Variants in SSTR3 observed in about 807,000 individuals in gnomAD.
SSTR3 encodes the protein somatostatin receptor type 3.
For synonymous variants in SSTR3, 281 were observed against 269.2 expected, an observed-to-expected ratio of 1.04 and a Z score of -0.43; for missense variants, 504 against 604.7, an observed-to-expected ratio of 0.83 and a Z score of 1.75.
chr22:37,211,781 G>A, intron 1 of SSTR3, 44 bp downstream of exon 1: 1 of 985,444 alleles, frequency 1.0e-6, no homozygotes, highest in South Asian at 4.7e-5. Flanking sequence ...TGGGCTTCCA[G>A]GACCCCACCC....
At chr22:37,216,278 T>C (rs1368132593), upstream of SSTR3, among the ~76,000 whole-genome samples, 1 of 151,282 alleles carries the variant, frequency 6.6e-6, no homozygotes, top group Non-Finnish European at 1.5e-5. Context: ...TCATATTGAT[T>C]TTTTTATGTC....
At chr22:37,215,778 A>T (rs1414445862), upstream of SSTR3, 4 of 283,864 alleles carry the variant, frequency 1.4e-5, no homozygotes, top group African/African-American at 2.2e-5. Flanking sequence ...CTCCTTTTGG[A>T]GCTGTACCTG....
At chr22:37,212,608 G>GC (rs1023016379), upstream of SSTR3, among the ~76,000 whole-genome samples, 1 of 152,146 alleles carries the variant, frequency 6.6e-6, no homozygotes, top group African/African-American at 2.4e-5. Context: ...AGCCACCCAC[G>GC]CCCGCTGGCC....
upstream of SSTR3, among the ~76,000 whole-genome samples, chr22:37,216,379 A>G (rs1055252710): frequency 3.3e-5 from 5 of 152,158 alleles, no homozygotes; most frequent in Non-Finnish European, 5.9e-5. Context: ...CCTTCTCCCC[A>G]TCTTCTCAAT....
In SSTR3 at chr22:37,207,430, A is replaced by G. The variant is rs750652022; in HGVS notation, c.374T>C (p.Ile125Thr). ...GCAGAATATGCTGGTGAACTGGTTG[A>G]TGCCATCCACCGCCATGACCAGGCG... ...MCRLVMAVDG[I>T]NQFTSIFCLT... Residue 125 changes from isoleucine (I) to threonine (T), a missense_variant, in exon 2 of 2, where the codon ATC becomes ACC. Transcript: ENST00000610913. 6.2e-7 allele frequency: 1 copy of G among 1,613,534 alleles called. No individual in the cohort carries two copies. The highest frequency in any genetic ancestry group is 1.7e-5 in the Admixed American group (1 of 60,028).
chr22:37,213,256 T>A (rs2145809486), upstream of SSTR3, among the ~76,000 whole-genome samples: 1 of 152,300 alleles, frequency 6.6e-6, no homozygotes, highest in South Asian at 2.1e-4. Flanking sequence ...TGCCGTACAG[T>A]CCTGAGCACA....
At position 37,206,568 on chromosome 22, in the gene SSTR3, C is replaced by G. The variant is rs765709409; in HGVS notation, c.1236G>C (p.Thr412=). 8.1e-6 allele frequency: 13 copies of G among 1,608,472 alleles called. No individual in the cohort carries two copies. The Admixed American group carries it at 2.0e-4, about 25-fold the overall frequency. ...QEASTGEKSS[T]MRISYL is the part of the protein sequence containing the mutation. ...GCCCCTACAGGTAGCTGATGCGCATCGTGCTGGACTTCTCCCCAGTGGAAG... is the reference window on the plus strand; with the variant it reads ...GCCCCTACAGGTAGCTGATGCGCATGGTGCTGGACTTCTCCCCAGTGGAAG... The change falls in exon 2 of 2, where the codon ACG becomes ACC. Residue 412 remains threonine, a synonymous_variant. Coordinates refer to ENST00000610913, the MANE Select transcript of SSTR3 (RefSeq NM_001051.5).
At chr22:37,217,309 C>T (rs575481919), upstream of SSTR3, among the ~76,000 whole-genome samples, 1 of 138,396 alleles carries the variant, frequency 7.2e-6, no homozygotes, top group East Asian at 1.9e-4. Flanking sequence ...CATTGTGTAA[C>T]TTAAGCTAAT....
the SSTR3 span, among the ~76,000 whole-genome samples, chr22:37,218,372 G>T: frequency 2.0e-5 from 3 of 151,998 alleles, no homozygotes; most frequent in Non-Finnish European, 2.9e-5. Flanking sequence ...CCTGACCAAC[G>T]TGGAGAAACC....
In SSTR3 at chr22:37,207,599, C is replaced by A. The variant is rs1027118721; in HGVS notation, c.205G>T (p.Val69Phe). The A allele has an allele frequency of 1.2e-5, 19 of 1,609,778 alleles. No individual in the cohort carries two copies. The Middle Eastern group carries it at 1.5e-3, about 126-fold the overall frequency. The change falls in exon 2 of 2, where the codon GTC (valine) becomes TTC (phenylalanine). Residue 69 changes from valine (V) to phenylalanine (F), a missense_variant. Physicochemically the swap from Val to Phe is conservative, Grantham distance 50. Coordinates refer to ENST00000610913, the MANE Select transcript of SSTR3 (RefSeq NM_001051.5). ...LLGNSLVIYVVLRHTASPSVT... is the reference protein window; with the variant it reads ...LLGNSLVIYVFLRHTASPSVT... The stretch of plus-strand genomic sequence containing the variant: ...GAAGGGCTGGCCGTGTGCCGCAGGA[C>A]CACATAGATGACCAGCGAGTTACCC...
In SSTR3 at chr22:37,207,141, GA is replaced by G; in HGVS notation, c.662del (p.Val221AlafsTer11). On this transcript the variant is annotated frameshift_variant, in exon 2 of 2. Coordinates refer to ENST00000610913, the MANE Select transcript of SSTR3 (RefSeq NM_001051.5). LOFTEE classifies it low-confidence loss of function (END_TRUNC). ...AALGFFGPLLVICLCYLLIVV... is the reference protein window; with the variant it reads ...AALGFFGPLLXICLCYLLIVV... Reference sequence around the variant, plus strand: ...CGATGAGCAGGTAGCAGAGGCAGATGACCAGCAGCGGCCCGAAGAAGCCCAG... The same window carrying G: ...CGATGAGCAGGTAGCAGAGGCAGATGCCAGCAGCGGCCCGAAGAAGCCCAG... 6.2e-7 allele frequency: 1 copy of G among 1,612,472 alleles called. No individual in the cohort carries two copies. Among genetic ancestry groups the G allele is most frequent in the East Asian group, 2.2e-5 (1 of 44,882 alleles).
In SSTR3 at chr22:37,204,771, A is replaced by G. The variant is rs185541415; in HGVS notation, c.*1776T>C. On this transcript the variant is annotated 3_prime_UTR_variant, in exon 2 of 2. Transcript: ENST00000610913. ...TCTCGTTAGATCCCAGGAGGCAGCC[A>G]AGCTGGGATTCATCTCCATTTGTTG... The G allele has an allele frequency of 2.6e-5, 4 of 152,418 alleles. No individual in the cohort carries two copies. The highest frequency in any genetic ancestry group is 6.5e-5 in the Admixed American group (1 of 15,310). The allele number at this position is 152,418 out of a possible 1,614,324, so 9.4% of individuals were successfully genotyped here.
chr22:37,207,146 G>A lies in SSTR3; in HGVS notation c.658C>T (p.Leu220=). 1 of 1,612,592 alleles carries A rather than the reference G, an allele frequency of 6.2e-7. No individual in the cohort carries two copies. The highest frequency in any genetic ancestry group is 8.5e-7 in the Non-Finnish European group (1 of 1,179,696). The part of the protein sequence containing the change: ...TAALGFFGPL[L]VICLCYLLIV... ...AGCAGGTAGCAGAGGCAGATGACCA[G>A]CAGCGGCCCGAAGAAGCCCAGTGCG... The change falls in exon 2 of 2, where the codon CTG becomes TTG. Residue 220 remains leucine (L), a synonymous_variant. Coordinates refer to ENST00000610913, the MANE Select transcript of SSTR3 (RefSeq NM_001051.5).
At chr22:37,213,858 C>T (rs568120789), upstream of SSTR3, among the ~76,000 whole-genome samples, 2 of 152,338 alleles carry the variant, frequency 1.3e-5, no homozygotes, top group African/African-American at 4.8e-5. Context: ...TGATTTCACT[C>T]GCTCCTCTGT....
In SSTR3 at chr22:37,211,913, C is replaced by G. The variant is rs1266633581; in HGVS notation, c.-125G>C. 17 of 985,696 alleles carry G rather than the reference C, an allele frequency of 1.7e-5. No individual in the cohort carries two copies. Among genetic ancestry groups the G allele is most frequent in the Non-Finnish European group, 1.9e-5 (16 of 830,198 alleles). The allele number at this position is 985,696 out of a possible 1,614,324, so 61.1% of individuals were successfully genotyped here. A position where few individuals can be genotyped will look rare whatever the true frequency, so the allele number is the denominator to read the frequency against. ...TCCCTGCCCAGTCCCCAGGTGCCCC[C>G]AGGGCACTCCTAACTAGGGTCCCCA... On this transcript the variant is annotated 5_prime_UTR_variant, in exon 1 of 2. Transcript: ENST00000610913.
At chr22:37,211,248 C>A (rs187653916) in intron 1 of SSTR3, among the ~76,000 whole-genome samples, 12 of 152,216 alleles carry the variant, frequency 7.9e-5, no homozygotes, top group African/African-American at 2.9e-4. Context: ...GGCCTTCCCC[C>A]CAAAGACACC....
the SSTR3 span, among the ~76,000 whole-genome samples, chr22:37,219,691 T>A: frequency 7.9e-5 from 12 of 152,322 alleles, no homozygotes; most frequent in African/African-American, 2.9e-4. Flanking sequence ...AGTACCTGTG[T>A]CACAAACCAC....
rs1193879158 is a variant in SSTR3, at chr22:37,206,428, C to T, written c.*119G>A. The stretch of plus-strand genomic sequence containing the variant: ...ACACAGCAAGACCTGGCAGCAATAG[C>T]ATCAAAGTCCAGGCCCCTCAACATC... On this transcript the variant is annotated 3_prime_UTR_variant, in exon 2 of 2. Coordinates refer to ENST00000610913, the MANE Select transcript of SSTR3 (RefSeq NM_001051.5). The T allele has an allele frequency of 6.9e-7, 1 of 1,445,044 alleles. No individual in the cohort carries two copies. Among genetic ancestry groups the T allele is most frequent in the Non-Finnish European group, 9.1e-7 (1 of 1,094,536 alleles). The allele number at this position is 1,445,044 out of a possible 1,614,324, so 89.5% of individuals were successfully genotyped here. A position where few individuals can be genotyped will look rare whatever the true frequency, so the allele number is the denominator to read the frequency against.
chr22:37,216,130 G>A (rs1926431327), upstream of SSTR3, among the ~76,000 whole-genome samples: 1 of 152,114 alleles, frequency 6.6e-6, no homozygotes, highest in Non-Finnish European at 1.5e-5. Context: ...ACTGCGCTAA[G>A]TGGACTACTG....
Sources: gnomAD v4.1 joint callset for allele counts (sites outside exome capture counted in the v4.1 genomes callset) on GRCh38, gnomAD v4.1.1 for gene constraint, MANE v1.5 for transcripts, NCBI Gene and HGNC (gene_info 2026-07-23, HGNC 2026-07-21) for gene names.